DPYD: variants seen among roughly 807,000 people sequenced by gnomAD.
DPYD encodes the protein dihydropyrimidine dehydrogenase [NADP(+)].
Under a neutral mutation model 116.2 loss-of-function variants are expected in DPYD, and 109 were observed. The ratio of observed to expected loss-of-function variants is 0.94; its 90% CI spans 0.80 to 1.10. The LOEUF (loss-of-function observed/expected upper bound fraction) is 1.10. Ranked by LOEUF, DPYD falls within the 50% of genes least tolerant of loss-of-function variation. DPYD has a pLI of 0.00. For synonymous variants in DPYD, 440 were observed against 432.0 expected (o/e 1.02, Z -0.23); for missense variants, 1,302 against 1,254.5 (o/e 1.04, Z -0.57).
intron 12 of DPYD, among the ~76,000 whole-genome samples, chr1:97,525,965 C>T (rs1377856191): frequency 2.3e-5 from 3 of 132,734 alleles, no homozygotes; most frequent in African/African-American, 8.4e-5. Context: ...AGTAATTGCC[C>T]TGGGTAATTA....
intron 12 of DPYD, among the ~76,000 whole-genome samples, chr1:97,521,337 C>T (rs1389322951): frequency 1.3e-5 from 2 of 152,030 alleles, no homozygotes; most frequent in African/African-American, 4.8e-5. Context: ...AATAAAATAC[C>T]AAGAAATACA....
At chr1:97,204,125 T>C (rs768276303) in intron 19 of DPYD, among the ~76,000 whole-genome samples, 4 of 152,090 alleles carry the variant, frequency 2.6e-5, no homozygotes, top group Non-Finnish European at 4.4e-5. Context: ...AGTTAATATA[T>C]GGTAAACACG....
At chr1:97,092,529 C>T (rs1649962413) in intron 21 of DPYD, among the ~76,000 whole-genome samples, 1 of 152,118 alleles carries the variant, frequency 6.6e-6, no homozygotes, top group African/African-American at 2.4e-5. Context: ...CACTTCTTCA[C>T]ATTTGTTCCT....
intron 1 of DPYD, among the ~76,000 whole-genome samples, chr1:97,918,101 A>G (rs991822606): frequency 3.3e-5 from 5 of 152,182 alleles, no homozygotes; most frequent in African/African-American, 7.2e-5. Flanking sequence ...AAAGCAAAAT[A>G]ACTTCTAAAA....
At chr1:97,233,797 GTCT>G (rs1661731411) in intron 19 of DPYD, among the ~76,000 whole-genome samples, 1 of 152,116 alleles carries the variant, frequency 6.6e-6, no homozygotes, top group African/African-American at 2.4e-5. Flanking sequence ...TCACCTTTCA[GTCT>G]TCTTATATCA....
At chr1:97,182,689 A>G (rs2101801936) in intron 20 of DPYD, among the ~76,000 whole-genome samples, 1 of 152,206 alleles carries the variant, frequency 6.6e-6, no homozygotes, top group African/African-American at 2.4e-5. Flanking sequence ...CTTGAAGAAA[A>G]ATGGCTTTCA....
intron 8 of DPYD, among the ~76,000 whole-genome samples, chr1:97,634,377 G>A (rs946969268): frequency 1.5e-4 from 23 of 152,036 alleles, no homozygotes; most frequent in Admixed American, 1.3e-3. Flanking sequence ...AAATAAGTAT[G>A]TCAATGCTTA....
intron 19 of DPYD, among the ~76,000 whole-genome samples, chr1:97,196,790 C>A (rs1238580708): frequency 1.3e-5 from 2 of 152,206 alleles, no homozygotes; most frequent in East Asian, 3.9e-4. Flanking sequence ...AGAATATGAC[C>A]TAGATATAGA....
intron 8 of DPYD, among the ~76,000 whole-genome samples, chr1:97,654,193 G>A (rs781417243): frequency 3.3e-5 from 5 of 151,994 alleles, no homozygotes; most frequent in Non-Finnish European, 5.9e-5. Flanking sequence ...CTTCCATAAC[G>A]CATTTGAAAT....
At chr1:97,097,861 A>T (rs980044439) in intron 21 of DPYD, among the ~76,000 whole-genome samples, 1 of 152,166 alleles carries the variant, frequency 6.6e-6, no homozygotes, top group Non-Finnish European at 1.5e-5. Context: ...AACAGGTGAA[A>T]CTGGATAAAG....
chr1:97,429,732 A>G (rs886447397), intron 14 of DPYD, among the ~76,000 whole-genome samples: 4 of 152,142 alleles, frequency 2.6e-5, no homozygotes, highest in Admixed American at 2.0e-4. Flanking sequence ...AGCTTCTACT[A>G]ACGAATTTAG....
At chr1:97,527,353 A>G (rs577236871) in intron 12 of DPYD, among the ~76,000 whole-genome samples, 1 of 152,248 alleles carries the variant, frequency 6.6e-6, no homozygotes, top group East Asian at 1.9e-4. Context: ...CTGGGATTAC[A>G]GGCGTGAGCC....
intron 13 of DPYD, among the ~76,000 whole-genome samples, chr1:97,482,221 A>C (rs1258966296): frequency 6.6e-6 from 1 of 152,170 alleles, no homozygotes; most frequent in African/African-American, 2.4e-5. Flanking sequence ...TAATATGTGG[A>C]TGTATCCAGT....
At chr1:97,653,888 A>G (rs1658738326) in intron 8 of DPYD, among the ~76,000 whole-genome samples, 1 of 152,224 alleles carries the variant, frequency 6.6e-6, no homozygotes, top group Admixed American at 6.5e-5. Flanking sequence ...ATACGAAATA[A>G]TAAGGCTTTA....
At chr1:97,184,190 A>T (rs1657839470) in intron 20 of DPYD, among the ~76,000 whole-genome samples, 1 of 152,064 alleles carries the variant, frequency 6.6e-6, no homozygotes. Flanking sequence ...GGTTGATTTA[A>T]TGTCTTTGCT....
At chr1:97,177,742 A>T (rs539580964) in intron 20 of DPYD, among the ~76,000 whole-genome samples, 1 of 152,260 alleles carries the variant, frequency 6.6e-6, no homozygotes, top group South Asian at 2.1e-4. Flanking sequence ...CAATTGCTGG[A>T]TATCCTCCTA....
At chr1:97,772,402 C>T (rs1666190725) in intron 3 of DPYD, among the ~76,000 whole-genome samples, 1 of 152,142 alleles carries the variant, frequency 6.6e-6, no homozygotes, top group Non-Finnish European at 1.5e-5. Flanking sequence ...CAGCAGTATT[C>T]CACCTCTCAT....
At chr1:97,773,642 CTG>C (rs1476477962) in intron 3 of DPYD, among the ~76,000 whole-genome samples, 1 of 152,180 alleles carries the variant, frequency 6.6e-6, no homozygotes, top group African/African-American at 2.4e-5. Flanking sequence ...CTGACAGACA[CTG>C]TGTTTGCCAT....
At position 97,763,199 on chromosome 1, in the gene DPYD, T is replaced by C. The variant is rs975417158; in HGVS notation, c.234-22720A>G. Reference sequence around the variant, plus strand: ...GACACATCTATCTCCCCCTACTAAATTGTAAAATCATTTCAGAGCAGGGCC... The same window carrying C: ...GACACATCTATCTCCCCCTACTAAACTGTAAAATCATTTCAGAGCAGGGCC... On this transcript the variant is annotated intron_variant, in intron 3 of 22. Coordinates refer to ENST00000370192, the MANE Select transcript of DPYD (RefSeq NM_000110.4). Among the ~76,000 whole-genome samples, 8 of 152,026 alleles carry C rather than the reference T, an allele frequency of 5.3e-5. 1 individual carries two copies. Among genetic ancestry groups the C allele is most frequent in the Admixed American group, 4.6e-4 (7 of 15,236 alleles).
Sources: gnomAD v4.1 joint callset for allele counts (sites outside exome capture counted in the v4.1 genomes callset) on GRCh38, gnomAD v4.1.1 for gene constraint, MANE v1.5 for transcripts, NCBI Gene and HGNC (gene_info 2026-07-23, HGNC 2026-07-21) for gene names.